Variants in IQCK observed in about 807,000 individuals in gnomAD.
IQCK encodes the protein IQ motif containing K, also known as IQ domain-containing protein K.
A neutral mutation model predicts 28.1 loss-of-function variants in IQCK; 29 were observed. That is an observed-to-expected ratio of 1.03 (90% confidence interval 0.77 to 1.41). IQCK has a LOEUF of 1.41. Among genes scored for constraint, IQCK ranks in the 40% most tolerant of loss-of-function variants. The pLI, the probability that IQCK is intolerant of heterozygous loss-of-function variation, is 0.00. For synonymous variants in IQCK, 113 were observed against 115.1 expected (o/e 0.98, Z 0.12); for missense variants, 359 against 314.7 (o/e 1.14, Z -1.07).
downstream of IQCK, among the ~76,000 whole-genome samples, chr16:19,827,952 G>A (rs1406448842): frequency 4.0e-5 from 6 of 151,508 alleles, no homozygotes; most frequent in African/African-American, 1.2e-4. Context: ...CACTCTGTTC[G>A]CCCAGGCTGG....
chr16:19,811,590 C>A (rs2055905913), intron 7 of IQCK, among the ~76,000 whole-genome samples: 1 of 152,130 alleles, frequency 6.6e-6, no homozygotes, highest in Admixed American at 6.5e-5. Flanking sequence ...GCAAAGACGA[C>A]CCCACCAAAA....
intron 2 of IQCK, among the ~76,000 whole-genome samples, chr16:19,731,169 A>G (rs548818680): frequency 1.4e-4 from 21 of 152,334 alleles, no homozygotes; most frequent in Admixed American, 7.8e-4. Flanking sequence ...AGACAGACCA[A>G]GTTTCTCTGC....
At chr16:19,723,071 C>A (rs2151672294) in intron 1 of IQCK, among the ~76,000 whole-genome samples, 1 of 152,200 alleles carries the variant, frequency 6.6e-6, no homozygotes. Flanking sequence ...ATAGATTCTA[C>A]CTGTTTAATA....
chr16:19,857,608 T>C (rs1160967427), exon 10 of IQCK: 1 of 316,714 alleles, frequency 3.2e-6, no homozygotes, highest in African/African-American at 2.3e-5. Flanking sequence ...GGTATCATCA[T>C]TGCATCATTG....
chr16:19,822,007 A>C (rs1025895595), intron 7 of IQCK, among the ~76,000 whole-genome samples: 47 of 144,324 alleles, frequency 3.3e-4, no homozygotes, highest in African/African-American at 1.2e-3. Context: ...TGGAGGTTGC[A>C]GTGAGCCAAG....
chr16:19,828,979 T>C (rs1425750349), downstream of IQCK, among the ~76,000 whole-genome samples: 1 of 143,998 alleles, frequency 6.9e-6, no homozygotes, highest in African/African-American at 2.5e-5. Flanking sequence ...AATATATAAT[T>C]ATATATATAA....
chr16:19,728,067 G>A (rs1288032149), intron 1 of IQCK, among the ~76,000 whole-genome samples: 1 of 151,662 alleles, frequency 6.6e-6, no homozygotes, highest in Admixed American at 6.6e-5. Flanking sequence ...CTAATCTGGT[G>A]AGCCCTTAAA....
downstream of IQCK, among the ~76,000 whole-genome samples, chr16:19,827,909 G>A (rs891772736): frequency 3.9e-4 from 59 of 151,950 alleles, 2 homozygotes; most frequent in Non-Finnish European, 1.2e-4. Context: ...TTCATGAGCC[G>A]ATATCTTCTT....
At chr16:19,781,983 C>A (rs1008366315) in intron 6 of IQCK, among the ~76,000 whole-genome samples, 1 of 151,080 alleles carries the variant, frequency 6.6e-6, no homozygotes, top group East Asian at 2.0e-4. Context: ...AGTGAGACTC[C>A]GCCTAAAACA....
chr16:19,803,170 TCTCA>T (rs2055782801), intron 7 of IQCK, among the ~76,000 whole-genome samples: 1 of 152,082 alleles, frequency 6.6e-6, no homozygotes, highest in Non-Finnish European at 1.5e-5. Context: ...TGAGACAGAG[TCTCA>T]CTCTGTCACC....
At chr16:19,760,139 T>C (rs1009834007) in intron 4 of IQCK, among the ~76,000 whole-genome samples, 2 of 152,066 alleles carry the variant, frequency 1.3e-5, no homozygotes, top group Non-Finnish European at 2.9e-5. Flanking sequence ...TTTTAAAAAA[T>C]ATATAATTTT....
chr16:19,780,656 T>C (rs2055468370), intron 6 of IQCK, among the ~76,000 whole-genome samples: 1 of 152,230 alleles, frequency 6.6e-6, no homozygotes, highest in Non-Finnish European at 1.5e-5. Flanking sequence ...TAAGTATGAA[T>C]GTGGACAACA....
chr16:19,736,573 A>T (rs1473768749), intron 4 of IQCK, among the ~76,000 whole-genome samples: 1 of 152,204 alleles, frequency 6.6e-6, no homozygotes, highest in Non-Finnish European at 1.5e-5. Flanking sequence ...CTTTGGGTGT[A>T]TGTGTTCCCT....
At chr16:19,730,720 T>TCTAC (rs375663733) in intron 2 of IQCK, among the ~76,000 whole-genome samples, 1 of 147,106 alleles carries the variant, frequency 6.8e-6, no homozygotes, top group Non-Finnish European at 1.5e-5. Flanking sequence ...TGTCTGTCTA[T>TCTAC]CTATCTGTCT....
intron 7 of IQCK, among the ~76,000 whole-genome samples, chr16:19,819,306 AAC>A: frequency 6.6e-6 from 1 of 152,076 alleles, no homozygotes; most frequent in South Asian, 2.1e-4. Context: ...GAGCCTGGCC[AAC>A]ATAGTGAAAT....
chr16:19,744,702 G>A (rs967259066), intron 4 of IQCK, among the ~76,000 whole-genome samples: 5 of 152,186 alleles, frequency 3.3e-5, no homozygotes, highest in Admixed American at 2.6e-4. Context: ...GATTTTTTAA[G>A]TGGCATCTGT....
intron 4 of IQCK, among the ~76,000 whole-genome samples, chr16:19,748,228 C>T (rs1283487452): frequency 6.6e-6 from 1 of 151,942 alleles, no homozygotes; most frequent in Non-Finnish European, 1.5e-5. Context: ...GTGTGTGCCA[C>T]CAGTCCCAGC....
Position 19,855,652 on chromosome 16 carries a change from T to C in IQCK, c.803-835T>C, listed in dbSNP as rs533973487. On this transcript the variant is annotated intron_variant, in intron 9 of 9. Transcript: ENST00000320394. The stretch of plus-strand genomic sequence containing the variant: ...CTCTTTGCCGCATCTGGCTGGTGCA[T>C]GCCCTTAGTTGCTGGGAGGTCAGGA... 3.9e-5 allele frequency among the ~76,000 whole-genome samples: 6 copies of C among 152,296 alleles called. No individual in the cohort carries two copies. The East Asian group carries it at 1.2e-3, about 29-fold the overall frequency.
chr16:19,764,269 C>A, intron 6 of IQCK, 157 bp downstream of exon 6: 1 of 616,958 alleles, frequency 1.6e-6, no homozygotes, highest in Non-Finnish European at 2.9e-6. Context: ...TTAGCCTAGG[C>A]TAACCTTATC....
Sources: gnomAD v4.1 joint callset for allele counts (sites outside exome capture counted in the v4.1 genomes callset) on GRCh38, gnomAD v4.1.1 for gene constraint, MANE v1.5 for transcripts, NCBI Gene and HGNC (gene_info 2026-07-23, HGNC 2026-07-21) for gene names.